The following B3GALNT1 variants were observed in gnomAD, a reference collection of about 807,000 sequenced individuals.
B3GALNT1 encodes the protein beta-1,3-N-acetylgalactosaminyltransferase 1 (Globoside blood group).
Under a neutral mutation model 27.3 loss-of-function variants are expected in B3GALNT1, and 17 were observed. The observed-to-expected ratio is 0.62, with a 90% CI of 0.43 to 0.94. B3GALNT1 has a LOEUF of 0.94. B3GALNT1 is among the 40% of genes least tolerant of loss of function. The probability of loss-of-function intolerance (pLI) is 0.00; values close to 1 mark genes in which losing one functional copy is unlikely to be tolerated. For missense variants in B3GALNT1, 347 were observed against 390.0 expected, an observed-to-expected ratio of 0.89 and a Z score of 0.93; for synonymous variants, 141 against 144.0, an observed-to-expected ratio of 0.98 and a Z score of 0.15.
chr3:161,092,629 T>G (rs868389337), intron 4 of B3GALNT1, among the ~76,000 whole-genome samples: 1 of 152,126 alleles, frequency 6.6e-6, no homozygotes, highest in South Asian at 2.1e-4. Flanking sequence ...ATTAAGTTTA[T>G]TAAAACAAAC....
chr3:161,100,565 T>C (rs1730705929), intron 4 of B3GALNT1, among the ~76,000 whole-genome samples: 1 of 152,208 alleles, frequency 6.6e-6, no homozygotes, highest in African/African-American at 2.4e-5. Context: ...ATATTATATA[T>C]ACTGTTATAC....
intron 2 of B3GALNT1, chr3:161,103,922 T>C (rs1732826691): frequency 5.4e-6 from 1 of 186,636 alleles, no homozygotes; most frequent in Middle Eastern, 2.4e-3. Context: ...AGACGGGGTT[T>C]CACCACGTTG....
In B3GALNT1 at chr3:161,085,585, C is replaced by A; in HGVS notation, c.*174G>T. The A allele has an allele frequency of 1.5e-6, 1 of 663,638 alleles. No individual in the cohort carries two copies. Among genetic ancestry groups the A allele is most frequent in the Admixed American group, 2.6e-5 (1 of 38,756 alleles). 41.1% of individuals were successfully genotyped at this position (663,638 alleles called of 1,614,324 possible). ...TCCTCCACATATCATCTTTGAAGGG[C>A]CTGACTAATAAATCACAAGTGTAAC... On this transcript the variant is annotated 3_prime_UTR_variant, in exon 5 of 5. Coordinates refer to ENST00000320474, the MANE Select transcript of B3GALNT1 (RefSeq NM_003781.4).
chr3:161,104,855 T>C (rs1184036975), intron 1 of B3GALNT1: 1 of 153,466 alleles, frequency 6.5e-6, no homozygotes, highest in Non-Finnish European at 1.4e-5. Context: ...GATTTGACGG[T>C]GGCTGGAGCG....
At chr3:161,100,792 C>CT (rs1397133303) in intron 4 of B3GALNT1, among the ~76,000 whole-genome samples, 5 of 151,436 alleles carry the variant, frequency 3.3e-5, no homozygotes, top group African/African-American at 9.7e-5. Context: ...AAAAATCACT[C>CT]TTAATAATTT....
At position 161,085,441 on chromosome 3, in the gene B3GALNT1, A is replaced by G; in HGVS notation, c.*318T>C. On this transcript the variant is annotated 3_prime_UTR_variant, in exon 5 of 5. Coordinates refer to ENST00000320474, the MANE Select transcript of B3GALNT1 (RefSeq NM_003781.4). ...CTACATTGTTTTGTTTTTACAGCCT[A>G]GTGAGCTTATAACTCAGTAACACCC... 1 of 329,358 alleles carries G rather than the reference A, an allele frequency of 3.0e-6. No homozygotes were observed. Among genetic ancestry groups the G allele is most frequent in the Non-Finnish European group, 5.7e-6 (1 of 176,696 alleles). 20.4% of individuals were successfully genotyped at this position (329,358 alleles called of 1,614,324 possible). A position where few individuals can be genotyped will look rare whatever the true frequency, so the allele number is the denominator to read the frequency against.
chr3:161,086,142 T>C lies in B3GALNT1; in HGVS notation c.613A>G (p.Thr205Ala). The change falls in exon 5 of 5, where the codon ACA (threonine) becomes GCA (alanine). Residue 205 changes from threonine (T) to alanine (A), a missense_variant. Thr to Ala is a moderately conservative substitution (Grantham distance 58). Coordinates refer to ENST00000320474, the MANE Select transcript of B3GALNT1 (RefSeq NM_003781.4). ...TAATTATCAATTAGAGGATAACCTG[T>C]GAAAAACTTCTCTGAGTGGTTTAGG... ...LNLNHSEKFF[T>A]GYPLIDNYSY... The C allele has an allele frequency of 6.2e-7, 1 of 1,612,394 alleles. No homozygotes were observed. Among genetic ancestry groups the C allele is most frequent in the Non-Finnish European group, 8.5e-7 (1 of 1,179,186 alleles).
chr3:161,095,868 C>G (rs1004957141), intron 4 of B3GALNT1, among the ~76,000 whole-genome samples: 1 of 152,172 alleles, frequency 6.6e-6, no homozygotes, highest in Non-Finnish European at 1.5e-5. Context: ...CCTAAAGCCC[C>G]CCGAGTGTTC....
chr3:161,086,086 A>T lies in B3GALNT1; in HGVS notation c.669T>A (p.His223Gln). The T allele has an allele frequency of 6.3e-7, 1 of 1,599,152 alleles. No homozygotes were observed. Among genetic ancestry groups the T allele is most frequent in the Non-Finnish European group, 8.5e-7 (1 of 1,173,622 alleles). The change falls in exon 5 of 5, where the codon CAT (histidine) becomes CAA (glutamine). Residue 223 changes from histidine to glutamine, a missense_variant. Physicochemically the swap from His to Gln is conservative, Grantham distance 24 (BLOSUM62 0). Coordinates refer to ENST00000320474, the MANE Select transcript of B3GALNT1 (RefSeq NM_003781.4). ...YSYRGFYQKT[H>Q]ISYQEYPFKV... ...TGAAAGGATACTCCTGGTAAGAAAT[A>T]TGGGTTTTTTGGTAAAATCCTCTAT...
intron 4 of B3GALNT1, among the ~76,000 whole-genome samples, chr3:161,100,898 A>C (rs1255815732): frequency 6.6e-6 from 1 of 152,062 alleles, no homozygotes; most frequent in Admixed American, 6.5e-5. Flanking sequence ...TTCTAACTAC[A>C]AATTACAAAG....
chr3:161,090,217 A>T (rs1242027150), intron 4 of B3GALNT1, among the ~76,000 whole-genome samples: 3 of 152,216 alleles, frequency 2.0e-5, no homozygotes, highest in Admixed American at 1.3e-4. Flanking sequence ...CTCTATAACC[A>T]TAAAAACACA....
chr3:161,091,890 T>C (rs1417411702), intron 4 of B3GALNT1, among the ~76,000 whole-genome samples: 2 of 152,166 alleles, frequency 1.3e-5, no homozygotes, highest in Non-Finnish European at 2.9e-5. Context: ...CTGATGATGA[T>C]TATACATCAG....
At chr3:161,100,833 GT>G (rs1324662613) in intron 4 of B3GALNT1, among the ~76,000 whole-genome samples, 42 of 145,976 alleles carry the variant, frequency 2.9e-4, no homozygotes, top group Non-Finnish European at 3.0e-4. Context: ...TAGCAGGGCT[GT>G]TTTTTTTTTT....
intron 4 of B3GALNT1, among the ~76,000 whole-genome samples, chr3:161,095,805 G>A (rs1727843797): frequency 6.6e-6 from 1 of 152,220 alleles, no homozygotes; most frequent in Non-Finnish European, 1.5e-5. Context: ...GAAACAGTTA[G>A]TGTGAGGAAG....
Position 161,085,454 on chromosome 3 carries a change from C to T in B3GALNT1, c.*305G>A, listed in dbSNP as rs9861850. The stretch of plus-strand genomic sequence containing the variant: ...TTTTTACAGCCTAGTGAGCTTATAA[C>T]TCAGTAACACCCTTTTAAGAAATTC... On this transcript the variant is annotated 3_prime_UTR_variant, in exon 5 of 5. Transcript: ENST00000320474. 0.24 allele frequency: 86,224 copies of T among 359,028 alleles called. 12,164 individuals are homozygous for T. The highest frequency in any genetic ancestry group is 0.45 in the African/African-American group (21,599 of 47,782). 22.2% of individuals were successfully genotyped at this position (359,028 alleles called of 1,614,324 possible).
At chr3:161,093,692 T>C (rs1438580164) in intron 4 of B3GALNT1, among the ~76,000 whole-genome samples, 2 of 152,194 alleles carry the variant, frequency 1.3e-5, no homozygotes, top group Non-Finnish European at 2.9e-5. Context: ...AAAAATAATT[T>C]CCATTTTCTA....
At chr3:161,087,674 T>A (rs1460948163) in intron 4 of B3GALNT1, among the ~76,000 whole-genome samples, 1 of 152,184 alleles carries the variant, frequency 6.6e-6, no homozygotes, top group Non-Finnish European at 1.5e-5. Flanking sequence ...GCACAGAACA[T>A]TCAGATTGTG....
chr3:161,100,269 T>C (rs533799893), intron 4 of B3GALNT1, among the ~76,000 whole-genome samples: 3 of 152,318 alleles, frequency 2.0e-5, no homozygotes, highest in African/African-American at 4.8e-5. Flanking sequence ...AAGAATGAAT[T>C]TGAAGTATTT....
chr3:161,098,945 C>T (rs1170223920), intron 4 of B3GALNT1, among the ~76,000 whole-genome samples: 1 of 152,212 alleles, frequency 6.6e-6, no homozygotes. Context: ...ACCTAAGAAT[C>T]AAGCTTCTCT....
Sources: gnomAD v4.1 joint callset for allele counts (sites outside exome capture counted in the v4.1 genomes callset) on GRCh38, gnomAD v4.1.1 for gene constraint, MANE v1.5 for transcripts, NCBI Gene and HGNC (gene_info 2026-07-23, HGNC 2026-07-21) for gene names.